The following VAC14 variants were observed in gnomAD, a reference collection of about 807,000 sequenced individuals.
VAC14 encodes protein VAC14 homolog.
Under a neutral mutation model 85.3 loss-of-function variants are expected in VAC14, and 47 were observed. That is an observed-to-expected ratio of 0.55 (90% CI 0.44 to 0.70). The LOEUF is 0.70. VAC14 is among the 30% of genes least tolerant of loss of function. The probability of loss-of-function intolerance (pLI) is 0.00; values close to 1 mark genes in which losing one functional copy is unlikely to be tolerated. For missense variants in VAC14, 861 were observed against 1,004.3 expected (o/e 0.86, Z 1.93); for synonymous variants, 447 against 430.5 (o/e 1.04, Z -0.47).
At chr16:70,745,482 A>AGTGTGTGTGTGTGTGTGTGTGTGT (rs145054065) in intron 12 of VAC14, among the ~76,000 whole-genome samples, 1 of 143,778 alleles carries the variant, frequency 7.0e-6, no homozygotes, top group African/African-American at 2.7e-5. Flanking sequence ...GAGGGGCTTC[A>AGTGTGTGTGTGTGTGTGTGTGTGT]GTGTGTGTGT....
At chr16:70,783,608 G>C (rs1284174680) in intron 5 of VAC14, 54 bp from the exon 6 acceptor site, 14 of 1,564,432 alleles carry the variant, frequency 8.9e-6, no homozygotes, top group Non-Finnish European at 1.2e-5. Flanking sequence ...CCTGTTTCCT[G>C]CTCACCAAGC....
intron 14 of VAC14, among the ~76,000 whole-genome samples, chr16:70,729,429 T>C (rs2054523786): frequency 6.6e-6 from 1 of 152,110 alleles, no homozygotes; most frequent in African/African-American, 2.4e-5. Flanking sequence ...CACAACTCAA[T>C]TCTGCGGCCC....
intron 13 of VAC14, among the ~76,000 whole-genome samples, chr16:70,737,420 G>A (rs916199555): frequency 2.0e-5 from 3 of 152,218 alleles, no homozygotes; most frequent in Non-Finnish European, 4.4e-5. Context: ...TGTGTGTCTC[G>A]GGAGACAGGC....
At chr16:70,693,952 C>T (rs558078582) in intron 17 of VAC14, among the ~76,000 whole-genome samples, 4 of 152,334 alleles carry the variant, frequency 2.6e-5, no homozygotes, top group South Asian at 4.1e-4. Flanking sequence ...GGCCTGCTGG[C>T]GCCCTCCAGA....
At chr16:70,737,624 T>C (rs2054801687) in intron 13 of VAC14, among the ~76,000 whole-genome samples, 1 of 152,094 alleles carries the variant, frequency 6.6e-6, no homozygotes, top group African/African-American at 2.4e-5. Context: ...AGAGACGCAC[T>C]CCACACAGAA....
chr16:70,769,429 G>A (rs2033055170), intron 10 of VAC14: 1 of 152,326 alleles, frequency 6.6e-6, no homozygotes, highest in African/African-American at 2.4e-5. Flanking sequence ...AATACCCGCT[G>A]TGGGAAGAAG....
At position 70,797,927 on chromosome 16, in the gene VAC14, G is replaced by A. The variant is rs188922294; in HGVS notation, c.104+2870C>T. Among the ~76,000 whole-genome samples, 470 of 152,290 alleles carry A rather than the reference G, an allele frequency of 3.1e-3. 3 individuals carry two copies. The highest frequency in any genetic ancestry group is 4.9e-3 in the Non-Finnish European group (335 of 68,024). On this transcript the variant is annotated intron_variant, in intron 1 of 18. Coordinates refer to ENST00000261776, the MANE Select transcript of VAC14 (RefSeq NM_018052.5). ...TGAGGCCCCGCCAGAAGCAGAAGCC[G>A]CTATGCTTTCTGTACAGCTTGCAGA...
Position 70,709,382 on chromosome 16 carries a change from C to A in VAC14, c.1662-10571G>T, listed in dbSNP as rs1170420611. Among the ~76,000 whole-genome samples, 3 of 152,062 alleles carry A rather than the reference C, an allele frequency of 2.0e-5. No individual in the cohort carries two copies. In the East Asian group the frequency reaches 5.8e-4, roughly 29 times the overall value. On this transcript the variant is annotated intron_variant, in intron 14 of 18. Transcript: ENST00000261776. ...TCCTGAGCTGCAGAGATCACTGGGGCCTTCTGGTGTGGACTGGAGCGAGTT... is the reference window on the plus strand; with the variant it reads ...TCCTGAGCTGCAGAGATCACTGGGGACTTCTGGTGTGGACTGGAGCGAGTT...
rs753357297 is a variant in VAC14, at chr16:70,699,184, C to T, written c.1662-373G>A. ...ATGGCCCCCACCCCAGGCCAAGACA[C>T]GCCTGTCCCCTGCTGGGCTTTCTTC... is the stretch of plus-strand genomic sequence containing the variant. On this transcript the variant is annotated intron_variant, in intron 14 of 18. Coordinates refer to ENST00000261776, the MANE Select transcript of VAC14 (RefSeq NM_018052.5). The T allele has an allele frequency of 1.7e-4, 39 of 231,108 alleles. 1 individual carries two copies. Among genetic ancestry groups the T allele is most frequent in the Non-Finnish European group, 2.5e-4 (29 of 113,886 alleles). The allele number at this position is 231,108 out of a possible 1,614,324, so 14.3% of individuals were successfully genotyped here.
intron 13 of VAC14, among the ~76,000 whole-genome samples, chr16:70,736,466 G>T (rs2054756079): frequency 6.6e-6 from 1 of 152,134 alleles, no homozygotes; most frequent in Non-Finnish European, 1.5e-5. Flanking sequence ...GAGGAAGAAG[G>T]GGGGCCACCT....
At chr16:70,793,380 C>A (rs1567613467) in intron 1 of VAC14, among the ~76,000 whole-genome samples, 1 of 152,222 alleles carries the variant, frequency 6.6e-6, no homozygotes, top group Non-Finnish European at 1.5e-5. Context: ...AGTACCATTA[C>A]ACCCATTTTA....
intron 18 of VAC14, chr16:70,692,155 G>A: frequency 4.3e-6 from 4 of 936,114 alleles, no homozygotes; most frequent in Non-Finnish European, 5.1e-6. Flanking sequence ...TGGGGTAGGG[G>A]CCAGCCGTGG....
chr16:70,788,146 T>C (rs982196568), intron 1 of VAC14, among the ~76,000 whole-genome samples: 1 of 152,234 alleles, frequency 6.6e-6, no homozygotes, highest in Admixed American at 6.5e-5. Context: ...CATTAGTCTG[T>C]GTGGTTCCAG....
chr16:70,730,535 A>G (rs2054559377), intron 14 of VAC14, among the ~76,000 whole-genome samples: 1 of 144,272 alleles, frequency 6.9e-6, no homozygotes, highest in Non-Finnish European at 1.5e-5. Flanking sequence ...ACCCCAGACC[A>G]CTTTAATAAC....
At position 70,731,420 on chromosome 16, in the gene VAC14, TG is replaced by T. The variant is rs901965128; in HGVS notation, c.1661+74del. On this transcript the variant is annotated intron_variant, in intron 14 of 18. Transcript: ENST00000261776. The stretch of plus-strand genomic sequence containing the variant: ...GAAGGGAAAGAGAAGGTGGCTGCTT[TG>T]ACACTTGAATGGCGTGAAAGTGAAA... 32 of 1,556,362 alleles carry T rather than the reference TG, an allele frequency of 2.1e-5. No homozygotes were observed. The African/African-American group carries it at 4.3e-4, about 21-fold the overall frequency.
intron 14 of VAC14, among the ~76,000 whole-genome samples, chr16:70,709,852 C>T (rs955270924): frequency 2.0e-5 from 3 of 152,200 alleles, no homozygotes; most frequent in Admixed American, 6.5e-5. Context: ...CCCTGGCTGA[C>T]ACTGCCAGGG....
At chr16:70,776,640 G>C in intron 9 of VAC14, among the ~76,000 whole-genome samples, 1 of 152,080 alleles carries the variant, frequency 6.6e-6, no homozygotes, top group East Asian at 1.9e-4. Context: ...ATATTGCCCA[G>C]GCTGGACTTA....
At chr16:70,761,109 G>C (rs12917867) in intron 12 of VAC14, 1 of 444,180 alleles carries the variant, frequency 2.3e-6, no homozygotes, top group African/African-American at 2.0e-5. Context: ...GAAAACCTCA[G>C]AGGACCTAGA....
At chr16:70,763,359 A>G (rs1193646182) in intron 10 of VAC14, among the ~76,000 whole-genome samples, 2 of 152,118 alleles carry the variant, frequency 1.3e-5, no homozygotes, top group Non-Finnish European at 2.9e-5. Flanking sequence ...TTCTTTCTCC[A>G]GCACCAGCCT....
Sources: allele counts gnomAD v4.1 joint callset (sites outside exome capture counted in the v4.1 genomes callset), GRCh38; gene constraint gnomAD v4.1.1; transcripts MANE v1.5; gene names NCBI Gene and HGNC (gene_info 2026-07-23, HGNC 2026-07-21).